The following LRIG1 variants were observed in gnomAD, a reference collection of about 807,000 sequenced individuals.
LRIG1 encodes the protein leucine rich repeats and immunoglobulin like domains 1.
LRIG1 carries 48 observed loss-of-function variants against 99.2 expected under a neutral mutation model. The observed-to-expected ratio is 0.48, with a 90% CI of 0.38 to 0.62. LRIG1 has a LOEUF of 0.62. Ranked by LOEUF, LRIG1 falls within the 20% of genes least tolerant of loss-of-function variation. LRIG1 has a pLI of 0.00. For missense variants in LRIG1, 1,646 were observed against 1,434.4 expected (o/e 1.15, Z -2.38); for synonymous variants, 772 against 596.1 (o/e 1.29, Z -4.30).
intron 12 of LRIG1, among the ~76,000 whole-genome samples, chr3:66,392,742 A>C (rs1449338899): frequency 1.3e-5 from 2 of 152,200 alleles, no homozygotes; most frequent in African/African-American, 4.8e-5. Context: ...ACCCAGAGGG[A>C]AAGCCTGCCC....
chr3:66,478,292 A>C (rs966558504), intron 1 of LRIG1, among the ~76,000 whole-genome samples: 2 of 152,254 alleles, frequency 1.3e-5, no homozygotes, highest in African/African-American at 2.4e-5. Flanking sequence ...CCAATGGGGC[A>C]GAAAATAACA....
chr3:66,442,414 G>C (rs1011255620), intron 3 of LRIG1, among the ~76,000 whole-genome samples: 1 of 152,130 alleles, frequency 6.6e-6, no homozygotes, highest in Non-Finnish European at 1.5e-5. Context: ...AGTGGTAACT[G>C]GATTACAGAA....
intron 1 of LRIG1, among the ~76,000 whole-genome samples, chr3:66,472,324 A>AC (rs1700618877): frequency 6.6e-6 from 1 of 150,642 alleles, no homozygotes; most frequent in African/African-American, 2.5e-5. Context: ...AAAAAAAAAA[A>AC]AAAAAAAAAC....
chr3:66,480,263 C>CTA (rs1700817868), intron 1 of LRIG1, among the ~76,000 whole-genome samples: 1 of 152,070 alleles, frequency 6.6e-6, no homozygotes, highest in Non-Finnish European at 1.5e-5. Flanking sequence ...ACAGACAAAT[C>CTA]TATAGAGACA....
At chr3:66,464,614 G>A (rs955905992) in intron 1 of LRIG1, among the ~76,000 whole-genome samples, 1 of 152,034 alleles carries the variant, frequency 6.6e-6, no homozygotes. Flanking sequence ...GAGGCCATTA[G>A]GTTCAAAGGG....
Position 66,383,319 on chromosome 3 carries a change from C to T in LRIG1, c.2154G>A (p.Gly718=). The T allele has an allele frequency of 1.2e-6, 2 of 1,603,280 alleles. No homozygotes were observed. Among genetic ancestry groups the T allele is most frequent in the Non-Finnish European group, 1.7e-6 (2 of 1,171,380 alleles). Residue 718 remains glycine (G), a synonymous_variant, in exon 15 of 19, where the codon GGG becomes GGA. Transcript: ENST00000273261. Reference sequence around the variant, plus strand: ...ACCAGGTGATGCGGGGCGGAGGGTTCCCCGTGGCTTTGCATTGGAGGGCCA... The same window carrying T: ...ACCAGGTGATGCGGGGCGGAGGGTTTCCCGTGGCTTTGCATTGGAGGGCCA... ...ETVALQCKAT[G]NPPPRITWFK...
Position 66,417,239 on chromosome 3 carries a change from C to G in LRIG1, c.393G>C (p.Glu131Asp). ...AAAGGTAGGCCTTCAGCTGGCTCCC[C>G]TCCACGCTGCGAATCTTGTTGTGCT... The part of the protein sequence containing the change: ...FLQHNKIRSV[E>D]GSQLKAYLSL... The change falls in exon 4 of 19, where the codon GAG (glutamate) becomes GAC (aspartate). Residue 131 changes from glutamate (E) to aspartate (D), a missense_variant. Physicochemically the swap from Glu to Asp is conservative, Grantham distance 45. Coordinates refer to ENST00000273261, the MANE Select transcript of LRIG1 (RefSeq NM_015541.3). 1 of 1,614,116 alleles carries G rather than the reference C, an allele frequency of 6.2e-7. No individual in the cohort carries two copies. The highest frequency in any genetic ancestry group is 8.5e-7 in the Non-Finnish European group (1 of 1,180,000).
chr3:66,382,726 A>T (rs938529366), intron 15 of LRIG1, among the ~76,000 whole-genome samples: 3 of 152,216 alleles, frequency 2.0e-5, no homozygotes, highest in Admixed American at 2.0e-4. Context: ...GCGGCCTCTG[A>T]GTTAGCAAGG....
intron 9 of LRIG1, chr3:66,404,506 G>A (rs556444798): frequency 1.3e-5 from 12 of 942,596 alleles, no homozygotes; most frequent in South Asian, 2.4e-5. Flanking sequence ...GGAAGGGAAC[G>A]TGGGCTTTGG....
chr3:66,383,399 T>C lies in LRIG1; in HGVS notation c.2074A>G (p.Thr692Ala). 6.4e-7 allele frequency: 1 copy of C among 1,552,440 alleles called. No homozygotes were observed. Residue 692 changes from threonine to alanine, a missense_variant and splice_region_variant, in exon 15 of 19, where the codon ACC (threonine) becomes GCC (alanine). By Grantham distance (58) the Thr-to-Ala change is moderately conservative (BLOSUM62 0). Transcript: ENST00000273261. ...TCCAAGGGGACCACCAAGGATGGGG[T>C]CTCTACAAGAGAGCAACAGAGATCT... is the stretch of plus-strand genomic sequence containing the variant. ...SANATLTVLE[T>A]PSLVVPLEDR... is the part of the protein sequence containing the mutation.
chr3:66,382,993 A>T lies in LRIG1; in HGVS notation c.2480T>A (p.Val827Asp). The T allele has an allele frequency of 6.2e-7, 1 of 1,610,992 alleles. No homozygotes were observed. The highest frequency in any genetic ancestry group is 8.5e-7 in the Non-Finnish European group (1 of 1,177,934). ...QTRKKSEEYSVTNTDETVVPP... is the reference protein window; with the variant it reads ...QTRKKSEEYSDTNTDETVVPP... Reference sequence around the variant, plus strand: ...TGGCAGGGCCTGACCTGTGTTGGTGACACTGTACTCTTCACTCTTCTTCCT... The same window carrying T: ...TGGCAGGGCCTGACCTGTGTTGGTGTCACTGTACTCTTCACTCTTCTTCCT... The change falls in exon 15 of 19, where the codon GTC becomes GAC. Residue 827 changes from valine to aspartate, a missense_variant. Transcript: ENST00000273261.
intron 8 of LRIG1, chr3:66,405,896 G>C: frequency 9.6e-7 from 1 of 1,038,238 alleles, no homozygotes; most frequent in Non-Finnish European, 1.2e-6. Flanking sequence ...CTCAGCCCAG[G>C]CCCCTCCAAC....
intron 1 of LRIG1, among the ~76,000 whole-genome samples, chr3:66,474,358 T>G (rs1439971625): frequency 6.6e-6 from 1 of 152,040 alleles, no homozygotes; most frequent in East Asian, 1.9e-4. Flanking sequence ...TTTTTTTTTT[T>G]TTTTGAAATG....
intron 1 of LRIG1, among the ~76,000 whole-genome samples, chr3:66,490,366 G>A (rs1352801033): frequency 6.6e-6 from 1 of 152,152 alleles, no homozygotes; most frequent in African/African-American, 2.4e-5. Context: ...TTCACTTCCT[G>A]GAAGCAACGA....
intron 1 of LRIG1, among the ~76,000 whole-genome samples, chr3:66,483,734 C>T (rs1700903277): frequency 6.6e-6 from 1 of 152,200 alleles, no homozygotes; most frequent in African/African-American, 2.4e-5. Context: ...TCTGGAAAAG[C>T]AGGCTCCAAA....
At chr3:66,445,991 T>TC (rs1259020427) in intron 3 of LRIG1, among the ~76,000 whole-genome samples, 7 of 151,880 alleles carry the variant, frequency 4.6e-5, no homozygotes, top group Admixed American at 2.6e-4. Flanking sequence ...CTCTCATTAT[T>TC]CCCCCCAGCC....
chr3:66,477,131 G>A (rs1212559108), intron 1 of LRIG1, among the ~76,000 whole-genome samples: 3 of 152,210 alleles, frequency 2.0e-5, no homozygotes, highest in Middle Eastern at 3.4e-3. Flanking sequence ...CCTCACACAC[G>A]CTGAAGTTAA....
intron 7 of LRIG1, among the ~76,000 whole-genome samples, chr3:66,408,808 C>T (rs1575668390): frequency 6.6e-6 from 1 of 152,082 alleles, no homozygotes; most frequent in East Asian, 1.9e-4. Context: ...AAGCTGAAAC[C>T]AAAGGGTTAA....
intron 1 of LRIG1, among the ~76,000 whole-genome samples, chr3:66,466,625 A>G (rs17044650): frequency 0.014 from 2,202 of 152,332 alleles, 16 homozygotes; most frequent in African/African-American, 0.018. Flanking sequence ...TGAGATCCCA[A>G]GAACAATCAA....
Sources: gnomAD v4.1 joint callset for allele counts (sites outside exome capture counted in the v4.1 genomes callset) on GRCh38, gnomAD v4.1.1 for gene constraint, MANE v1.5 for transcripts, NCBI Gene and HGNC (gene_info 2026-07-23, HGNC 2026-07-21) for gene names.